The following CCDC171 variants were observed in gnomAD, a reference collection of about 807,000 sequenced individuals.
CCDC171 encodes coiled-coil domain containing 171.
A neutral mutation model predicts 168.2 loss-of-function variants in CCDC171; 177 were observed. The observed-to-expected ratio is 1.05, with a 90% confidence interval of 0.93 to 1.19. CCDC171 has a LOEUF of 1.19. CCDC171 is among the 50% of genes most tolerant of loss of function. The probability of loss-of-function intolerance (pLI) is 0.00; values close to 1 mark genes in which losing one functional copy is unlikely to be tolerated. For missense variants in CCDC171, 1,991 were observed against 1,539.0 expected (o/e 1.29, Z -4.91); for synonymous variants, 687 against 540.8 (o/e 1.27, Z -3.75).
chr9:15,845,185 A>G (rs1032209287), intron 21 of CCDC171, among the ~76,000 whole-genome samples: 3 of 152,096 alleles, frequency 2.0e-5, no homozygotes, highest in African/African-American at 7.2e-5. Context: ...TAGTGTCTTT[A>G]TCTTAGCATT....
At chr9:15,912,093 A>G (rs1461232841) in intron 24 of CCDC171, among the ~76,000 whole-genome samples, 6 of 152,164 alleles carry the variant, frequency 3.9e-5, no homozygotes, top group African/African-American at 1.2e-4. Flanking sequence ...AAGGAAGCCA[A>G]TGGTGGCTTG....
chr9:15,659,672 T>C (rs969943586), intron 8 of CCDC171, among the ~76,000 whole-genome samples: 4 of 152,226 alleles, frequency 2.6e-5, no homozygotes, highest in African/African-American at 9.6e-5. Context: ...AGTTTTAAGC[T>C]TATTTGGCTT....
intron 1 of CCDC171, among the ~76,000 whole-genome samples, chr9:16,055,614 T>G (rs1281202474): frequency 6.6e-6 from 1 of 152,240 alleles, no homozygotes; most frequent in Non-Finnish European, 1.5e-5. Flanking sequence ...ATAATCCTTC[T>G]GCGTTAGCTT....
intron 6 of CCDC171, among the ~76,000 whole-genome samples, chr9:16,027,142 C>A (rs1833290309): frequency 6.6e-6 from 1 of 152,200 alleles, no homozygotes; most frequent in Non-Finnish European, 1.5e-5. Flanking sequence ...TAATTGCATA[C>A]AATGAGCACA....
At chr9:16,048,368 G>A (rs188566699) in intron 1 of CCDC171, among the ~76,000 whole-genome samples, 19 of 152,294 alleles carry the variant, frequency 1.2e-4, no homozygotes, top group Admixed American at 9.8e-4. Context: ...GGCTGAGGGA[G>A]GGAGGATGGC....
At chr9:15,864,987 A>G (rs1176161675) in intron 23 of CCDC171, among the ~76,000 whole-genome samples, 1 of 152,096 alleles carries the variant, frequency 6.6e-6, no homozygotes, top group Non-Finnish European at 1.5e-5. Flanking sequence ...TACAGGCTTT[A>G]AAAGTACCAA....
chr9:15,858,731 A>G (rs184379383), intron 23 of CCDC171, among the ~76,000 whole-genome samples: 132 of 152,196 alleles, frequency 8.7e-4, no homozygotes, highest in African/African-American at 3.0e-3. Context: ...AATTCATAAC[A>G]ATCTAGTTTG....
intron 4 of CCDC171, among the ~76,000 whole-genome samples, chr9:15,579,728 T>C (rs1004039900): frequency 6.6e-6 from 1 of 152,202 alleles, no homozygotes; most frequent in African/African-American, 2.4e-5. Flanking sequence ...AATGGAATCA[T>C]AAAGTATATA....
At chr9:15,673,382 C>T (rs954483462) in intron 9 of CCDC171, among the ~76,000 whole-genome samples, 1 of 152,142 alleles carries the variant, frequency 6.6e-6, no homozygotes, top group African/African-American at 2.4e-5. Context: ...GAAGTTCCAA[C>T]ACTATGTTGA....
In CCDC171 at chr9:15,644,684, G is replaced by A. The variant is rs181081298; in HGVS notation, c.823-12443G>A. 1.3e-4 allele frequency among the ~76,000 whole-genome samples: 20 copies of A among 152,210 alleles called. 1 individual carries two copies. Among genetic ancestry groups the A allele is most frequent in the African/African-American group, 4.6e-4 (19 of 41,454 alleles). ...TGAGATCCAACTGCAAGGCAGCAGC[G>A]AGGCTGGGGGAGGAGCGCCCACCAT... On this transcript the variant is annotated intron_variant, in intron 7 of 25. Coordinates refer to ENST00000380701, the MANE Select transcript of CCDC171 (RefSeq NM_173550.4).
intron 1 of CCDC171, among the ~76,000 whole-genome samples, chr9:15,563,474 A>T (rs1461454628): frequency 6.6e-6 from 1 of 152,142 alleles, no homozygotes; most frequent in East Asian, 1.9e-4. Context: ...TTTTCTTGGT[A>T]GAAAAATGGG....
chr9:15,727,741 TTC>T, intron 14 of CCDC171, 126 bp from the exon 15 acceptor site: 1 of 611,052 alleles, frequency 1.6e-6, no homozygotes, highest in East Asian at 3.2e-5. Context: ...CATTAAAATA[TTC>T]TGAGACTTGA....
intron 3 of CCDC171, among the ~76,000 whole-genome samples, chr9:15,989,157 G>C (rs867159596): frequency 6.6e-5 from 10 of 152,330 alleles, no homozygotes; most frequent in Middle Eastern, 6.8e-3. Flanking sequence ...CCCCCGAGTA[G>C]CCTAACTGGG....
chr9:15,721,744 A>G (rs1300269332), intron 11 of CCDC171, 25 bp from the exon 12 acceptor site: 1 of 1,394,238 alleles, frequency 7.2e-7, no homozygotes, highest in East Asian at 2.6e-5. Context: ...TTAAGGGTAT[A>G]TTTTCATCCT....
chr9:15,940,639 C>T (rs1286971555), intron 25 of CCDC171, among the ~76,000 whole-genome samples: 1 of 151,970 alleles, frequency 6.6e-6, no homozygotes, highest in South Asian at 2.1e-4. Context: ...TTCACTGTTA[C>T]TATAGCTTTA....
chr9:15,572,557 T>C (rs2131095806), intron 3 of CCDC171, among the ~76,000 whole-genome samples: 1 of 152,346 alleles, frequency 6.6e-6, no homozygotes, highest in Middle Eastern at 3.4e-3. Context: ...GCTTGTGTAC[T>C]GTAATAGCTG....
chr9:15,792,052 C>G (rs902418835), intron 21 of CCDC171, among the ~76,000 whole-genome samples: 2 of 152,034 alleles, frequency 1.3e-5, no homozygotes, highest in African/African-American at 2.4e-5. Flanking sequence ...TGGAACCCAT[C>G]GCAAAGAAGC....
intron 6 of CCDC171, among the ~76,000 whole-genome samples, chr9:16,030,924 A>G (rs548767867): frequency 6.6e-6 from 1 of 152,262 alleles, no homozygotes; most frequent in Non-Finnish European, 1.5e-5. Context: ...AAGCAGAAAG[A>G]GAATGAAAAT....
At chr9:15,816,988 A>G (rs190103511) in intron 21 of CCDC171, among the ~76,000 whole-genome samples, 1 of 118,398 alleles carries the variant, frequency 8.4e-6, no homozygotes, top group Admixed American at 7.9e-5. Flanking sequence ...CTGAGTCAAA[A>G]GATAAAAGAA....
Sources: allele counts gnomAD v4.1 joint callset (sites outside exome capture counted in the v4.1 genomes callset), GRCh38; gene constraint gnomAD v4.1.1; transcripts MANE v1.5; gene names NCBI Gene and HGNC (gene_info 2026-07-23, HGNC 2026-07-21).